The following CCDC192 variants were observed in gnomAD, a reference collection of about 807,000 sequenced individuals.
CCDC192 encodes the protein coiled-coil domain-containing protein 192.
chr5:127,883,885 C>T (rs981362258), intron 6 of CCDC192, among the ~76,000 whole-genome samples: 2 of 152,090 alleles, frequency 1.3e-5, no homozygotes, highest in Non-Finnish European at 2.9e-5. Flanking sequence ...ATGTATGAGC[C>T]GCTCAGGCTG....
chr5:127,739,291 A>C (rs1384601787), intron 2 of CCDC192, among the ~76,000 whole-genome samples: 2 of 152,172 alleles, frequency 1.3e-5, no homozygotes, highest in Non-Finnish European at 2.9e-5. Context: ...GCCCGTTCTC[A>C]GATCTCCAGC....
intron 6 of CCDC192, among the ~76,000 whole-genome samples, chr5:127,904,168 G>A (rs766412109): frequency 1.3e-5 from 2 of 152,256 alleles, no homozygotes; most frequent in Middle Eastern, 3.4e-3. Flanking sequence ...AGGGAGCCAC[G>A]AACCAAGAAA....
intron 3 of CCDC192, among the ~76,000 whole-genome samples, chr5:127,791,388 TTAAAA>T (rs977152157): frequency 6.6e-6 from 1 of 152,206 alleles, no homozygotes; most frequent in Non-Finnish European, 1.5e-5. Context: ...TAAGTAACAC[TTAAAA>T]TAAAATGATT....
intron 5 of CCDC192, among the ~76,000 whole-genome samples, chr5:127,823,121 C>T (rs1383004546): frequency 1.3e-5 from 2 of 152,252 alleles, no homozygotes; most frequent in East Asian, 3.8e-4. Context: ...AAGCATCTCT[C>T]ATGGGGTTTT....
intron 6 of CCDC192, among the ~76,000 whole-genome samples, chr5:127,935,902 C>T (rs184027295): frequency 9.9e-5 from 15 of 152,148 alleles, no homozygotes; most frequent in South Asian, 4.2e-4. Flanking sequence ...GTTGGGAGTT[C>T]GAGACCACCC....
intron 3 of CCDC192, chr5:127,784,962 C>T (rs1756454606): frequency 2.1e-6 from 1 of 475,164 alleles, no homozygotes; most frequent in Non-Finnish European, 4.2e-6. Context: ...TCAATTCCAC[C>T]TCATCAGCAT....
intron 6 of CCDC192, among the ~76,000 whole-genome samples, chr5:127,887,952 C>T (rs1000357586): frequency 3.3e-5 from 5 of 152,170 alleles, no homozygotes; most frequent in Admixed American, 2.6e-4. Context: ...ATCCACCCGC[C>T]TCGGCCTCCC....
intron 5 of CCDC192, among the ~76,000 whole-genome samples, chr5:127,854,749 C>T (rs530523735): frequency 6.6e-6 from 1 of 152,182 alleles, no homozygotes; most frequent in East Asian, 1.9e-4. Context: ...GTAAATAATG[C>T]AATAAAGTGA....
At position 127,920,811 on chromosome 5, in the gene CCDC192, A is replaced by G. The variant is rs556850795; in HGVS notation, c.536-20371A>G. The stretch of plus-strand genomic sequence containing the variant: ...AGTGGTGGCTTATGCCTGTACTCCC[A>G]GCACTTTGGGAGGCTGAGGTGGGAG... On this transcript the variant is annotated intron_variant, in intron 6 of 6. Transcript: ENST00000514853. Among the ~76,000 whole-genome samples the G allele has an allele frequency of 7.9e-5, 12 of 152,172 alleles. No homozygotes were observed. The South Asian group carries it at 2.5e-3, about 32-fold the overall frequency.
chr5:127,878,124 G>A (rs1398120146), intron 6 of CCDC192, among the ~76,000 whole-genome samples: 6 of 152,206 alleles, frequency 3.9e-5, no homozygotes, highest in Admixed American at 3.9e-4. Context: ...ATTCTCTCAG[G>A]CTAGACTTCA....
chr5:127,800,397 AAAAACAAC>A (rs1269172062), intron 5 of CCDC192, among the ~76,000 whole-genome samples: 19 of 138,088 alleles, frequency 1.4e-4, no homozygotes, highest in Non-Finnish European at 2.2e-4. Context: ...AAAAAAAAAA[AAAAACAAC>A]AACAACAAAA....
chr5:127,885,520 A>C lies in CCDC192; in HGVS notation c.535+9859A>C, dbSNP rs533414092. 1.2e-4 allele frequency among the ~76,000 whole-genome samples: 18 copies of C among 152,286 alleles called. 1 individual carries two copies. In the South Asian group the frequency reaches 3.3e-3, roughly 28 times the overall value. On this transcript the variant is annotated intron_variant, in intron 6 of 6. Transcript: ENST00000514853. The stretch of plus-strand genomic sequence containing the variant: ...TGACAAAGCAGAAAAAGTGAATGGT[A>C]TTCTCTCCTGTAGCTCCCCAGAAAC...
chr5:127,791,183 C>T (rs1448609141), intron 3 of CCDC192, among the ~76,000 whole-genome samples: 1 of 152,158 alleles, frequency 6.6e-6, no homozygotes, highest in Admixed American at 6.5e-5. Flanking sequence ...AGCAAAATAA[C>T]AATTGTCATA....
chr5:127,941,066 A>G (rs1754387259), intron 6 of CCDC192, 116 bp from the exon 7 acceptor site: 1 of 397,498 alleles, frequency 2.5e-6, no homozygotes, highest in Non-Finnish European at 4.4e-6. Flanking sequence ...AGATGATGCA[A>G]CATCTGTGCT....
chr5:127,919,783 C>T (rs1183645523), intron 6 of CCDC192, among the ~76,000 whole-genome samples: 2 of 152,234 alleles, frequency 1.3e-5, no homozygotes, highest in African/African-American at 4.8e-5. Context: ...TTCTATCTCA[C>T]AAGATATCAC....
At chr5:127,727,120 G>T (rs1226933890) in intron 2 of CCDC192, among the ~76,000 whole-genome samples, 1 of 152,170 alleles carries the variant, frequency 6.6e-6, no homozygotes, top group Non-Finnish European at 1.5e-5. Context: ...GACAAATAGG[G>T]TCTGGAAGGG....
chr5:127,914,517 A>T (rs1350812136), intron 6 of CCDC192, among the ~76,000 whole-genome samples: 3 of 152,218 alleles, frequency 2.0e-5, no homozygotes, highest in African/African-American at 7.2e-5. Flanking sequence ...TTTTGCCACC[A>T]GATGACCTAT....
chr5:127,861,663 T>A (rs533734651), intron 5 of CCDC192, among the ~76,000 whole-genome samples: 14 of 151,640 alleles, frequency 9.2e-5, no homozygotes, highest in East Asian at 7.8e-4. Context: ...CAAAAAAAAA[T>A]TTTTTTTTAT....
intron 3 of CCDC192, among the ~76,000 whole-genome samples, chr5:127,763,878 C>A (rs930487371): frequency 3.3e-5 from 5 of 152,116 alleles, no homozygotes; most frequent in African/African-American, 1.2e-4. Flanking sequence ...CCAAAGAACC[C>A]CAAGAGACTT....
Sources: allele counts gnomAD v4.1 joint callset (sites outside exome capture counted in the v4.1 genomes callset), GRCh38; gene constraint gnomAD v4.1.1; transcripts MANE v1.5; gene names NCBI Gene and HGNC (gene_info 2026-07-23, HGNC 2026-07-21).